FANCC: variants seen among roughly 807,000 people sequenced by gnomAD.
FANCC encodes FA complementation group C.
FANCC carries 55 observed loss-of-function variants against 71.3 expected under a neutral mutation model. The observed-to-expected ratio is 0.77, with a 90% CI of 0.62 to 0.97. The LOEUF (loss-of-function observed/expected upper bound fraction) is 0.97. Ranked by LOEUF, FANCC falls within the 50% of genes least tolerant of loss-of-function variation. The pLI is 0.00. For missense variants in FANCC, 678 were observed against 670.9 expected, an observed-to-expected ratio of 1.01 and a Z score of -0.12; for synonymous variants, 275 against 244.9, an observed-to-expected ratio of 1.12 and a Z score of -1.15.
In FANCC at chr9:95,292,507, A is replaced by G. The variant is rs1229193581; in HGVS notation, c.-79+25019T>C. 10 of 1,455,342 alleles carry G rather than the reference A, an allele frequency of 6.9e-6. 1 individual carries two copies. In the East Asian group the frequency reaches 1.8e-4, roughly 26 times the overall value. The allele number at this position is 1,455,342 out of a possible 1,614,324, so 90.2% of individuals were successfully genotyped here. A position where few individuals can be genotyped will look rare whatever the true frequency, so the allele number is the denominator to read the frequency against. On this transcript the variant is annotated intron_variant, in intron 1 of 14. Coordinates refer to ENST00000289081, the MANE Select transcript of FANCC (RefSeq NM_000136.3). ...CCGCGGCCCGCGGGGGTGACGCAGC[A>G]GCCCGCGGCCTCCGTGCTGGCGGGG...
chr9:95,173,207 CTGTG>C (rs1208296810), intron 4 of FANCC, among the ~76,000 whole-genome samples: 5 of 152,126 alleles, frequency 3.3e-5, no homozygotes, highest in Non-Finnish European at 7.4e-5. Flanking sequence ...AACATGTACT[CTGTG>C]TGAGCTCCTG....
chr9:95,110,270 TTC>T (rs1384106712), intron 13 of FANCC: 1 of 1,010,720 alleles, frequency 9.9e-7, no homozygotes, highest in Non-Finnish European at 1.2e-6. Flanking sequence ...TCAAAAGTGA[TTC>T]TCTGTCAGTA....
intron 4 of FANCC, among the ~76,000 whole-genome samples, chr9:95,238,212 T>TA (rs1830431554): frequency 6.6e-6 from 1 of 152,152 alleles, no homozygotes; most frequent in Non-Finnish European, 1.5e-5. Flanking sequence ...GAGCGGACCT[T>TA]ACCTCACCTA....
At chr9:95,310,814 T>C (rs1001731919) in intron 1 of FANCC, among the ~76,000 whole-genome samples, 1 of 152,050 alleles carries the variant, frequency 6.6e-6, no homozygotes, top group African/African-American at 2.4e-5. Flanking sequence ...TGCAGTTATA[T>C]AATAAAAAAG....
chr9:95,267,351 C>A (rs1323059677), intron 1 of FANCC, among the ~76,000 whole-genome samples: 1 of 152,162 alleles, frequency 6.6e-6, no homozygotes, highest in Non-Finnish European at 1.5e-5. Flanking sequence ...CTGCGTGAAG[C>A]AGCCATGAAT....
At chr9:95,141,985 G>GT (rs1163083695) in intron 7 of FANCC, among the ~76,000 whole-genome samples, 53,797 of 85,404 alleles carry the variant, frequency 0.63, 15,972 homozygotes, top group South Asian at 0.75. Context: ...AGTTTGTGGG[G>GT]TTTTTTTTTT....
intron 4 of FANCC, among the ~76,000 whole-genome samples, chr9:95,189,902 C>A (rs1415550297): frequency 6.6e-6 from 1 of 152,176 alleles, no homozygotes; most frequent in Non-Finnish European, 1.5e-5. Flanking sequence ...GAGCTGACAG[C>A]GTTGGCTTGG....
chr9:95,176,813 C>CAGCTAA (rs1432636441), intron 4 of FANCC, among the ~76,000 whole-genome samples: 5 of 152,342 alleles, frequency 3.3e-5, no homozygotes, highest in African/African-American at 1.2e-4. Context: ...TGAGCAGTAA[C>CAGCTAA]AGCTAAGGGT....
chr9:95,216,522 C>T (rs1045060752), intron 4 of FANCC, among the ~76,000 whole-genome samples: 12 of 152,174 alleles, frequency 7.9e-5, no homozygotes, highest in African/African-American at 2.7e-4. Flanking sequence ...TTGCTCCAGA[C>T]TATATTTTCA....
intron 1 of FANCC, among the ~76,000 whole-genome samples, chr9:95,250,453 A>C (rs906489720): frequency 1.3e-5 from 2 of 152,220 alleles, no homozygotes; most frequent in Non-Finnish European, 2.9e-5. Flanking sequence ...GCTGCAGTGC[A>C]AAAAAATCTA....
chr9:95,188,537 T>C (rs538503141), intron 4 of FANCC, among the ~76,000 whole-genome samples: 3 of 152,256 alleles, frequency 2.0e-5, no homozygotes, highest in African/African-American at 7.2e-5. Flanking sequence ...AGGGAGAAAT[T>C]TCCATCCAGT....
intron 4 of FANCC, among the ~76,000 whole-genome samples, chr9:95,189,532 G>A (rs1041313504): frequency 2.0e-5 from 3 of 152,112 alleles, no homozygotes; most frequent in South Asian, 4.1e-4. Flanking sequence ...TAGTTCCGGG[G>A]GGGGAAATAG....
At chr9:95,210,315 T>C (rs1276214993) in intron 4 of FANCC, among the ~76,000 whole-genome samples, 1 of 152,142 alleles carries the variant, frequency 6.6e-6, no homozygotes, top group African/African-American at 2.4e-5. Flanking sequence ...CACTGGATGA[T>C]AGATATGTGT....
chr9:95,104,110 C>T (rs114981027), intron 14 of FANCC, among the ~76,000 whole-genome samples: 1 of 152,152 alleles, frequency 6.6e-6, no homozygotes, highest in Non-Finnish European at 1.5e-5. Context: ...CGGCTCTTTC[C>T]AAGGTGCTGT....
intron 4 of FANCC, among the ~76,000 whole-genome samples, chr9:95,176,996 G>T (rs1305451783): frequency 1.3e-5 from 2 of 152,184 alleles, no homozygotes; most frequent in Non-Finnish European, 2.9e-5. Context: ...ATGAGAGATT[G>T]TAAATAATTC....
intron 11 of FANCC, among the ~76,000 whole-genome samples, chr9:95,116,234 C>T (rs767996798): frequency 3.3e-5 from 5 of 152,360 alleles, no homozygotes; most frequent in Admixed American, 6.5e-5. Context: ...TTAGGCTTTG[C>T]TGATCTGACC....
At chr9:95,101,896 C>G in intron 14 of FANCC, 46 bp from the exon 15 acceptor site, 1 of 1,611,264 alleles carries the variant, frequency 6.2e-7, no homozygotes, top group Non-Finnish European at 8.5e-7. Flanking sequence ...ACTTTCCAGA[C>G]AGATTTGTCC....
chr9:95,270,482 C>T, intron 1 of FANCC, among the ~76,000 whole-genome samples: 1 of 152,216 alleles, frequency 6.6e-6, no homozygotes, highest in Non-Finnish European at 1.5e-5. Flanking sequence ...AATTATTTCA[C>T]AGAAAAATAA....
chr9:95,103,410 C>T (rs1346984007), intron 14 of FANCC, among the ~76,000 whole-genome samples: 1 of 152,200 alleles, frequency 6.6e-6, no homozygotes, highest in Admixed American at 6.5e-5. Context: ...TTGAACTCTG[C>T]ATCTCGGAAT....
Sources: gnomAD v4.1 joint callset for allele counts (sites outside exome capture counted in the v4.1 genomes callset) on GRCh38, gnomAD v4.1.1 for gene constraint, MANE v1.5 for transcripts, NCBI Gene and HGNC (gene_info 2026-07-23, HGNC 2026-07-21) for gene names.